The following ZNF232 variants were observed in gnomAD, a reference collection of about 807,000 sequenced individuals.
The protein encoded by ZNF232 is zinc finger and SCAN domain-containing protein 11.
A neutral mutation model predicts 25.2 loss-of-function variants in ZNF232; 25 were observed. The ratio of observed to expected loss-of-function variants is 0.99; its 90% CI spans 0.72 to 1.39. ZNF232 has a LOEUF of 1.39. Among genes scored for constraint, ZNF232 ranks in the 40% most tolerant of loss-of-function variants. The probability of loss-of-function intolerance (pLI) is 0.00; values close to 1 mark genes in which losing one functional copy is unlikely to be tolerated. For missense variants in ZNF232, 519 were observed against 520.9 expected (o/e 1.00, Z 0.04); for synonymous variants, 193 against 182.9 (o/e 1.06, Z -0.45).
rs749338515 is a variant in ZNF232, at chr17:5,107,394, G to GAAA, written c.626-891_626-889dup. On this transcript the variant is annotated intron_variant, in intron 3 of 3. Transcript: ENST00000575898. ...CAGAGCGAGACTCCATCTCAAAAAG[G>GAAA]AAAAAAAAAAAAAAAAAAAAAAAAA... Among the ~76,000 whole-genome samples the GAAA allele has an allele frequency of 5.8e-3, 349 of 60,592 alleles. 2 individuals are homozygous for GAAA. The highest frequency in any genetic ancestry group is 7.2e-3 in the African/African-American group (116 of 16,054). 39.8% of individuals were successfully genotyped at this position (60,592 alleles called of 152,430 possible). A position where few individuals can be genotyped will look rare whatever the true frequency, so the allele number is the denominator to read the frequency against.
chr17:5,109,444 C>T (rs1165996779), exon 2 of ZNF232: 1 of 1,613,846 alleles, frequency 6.2e-7, no homozygotes, highest in African/African-American at 1.3e-5. Flanking sequence ...ACAGTCACAG[C>T]CTCCTCTCCA....
chr17:5,108,862 T>G, intron 3 of ZNF232, 64 bp downstream of exon 3: 1 of 1,610,670 alleles, frequency 6.2e-7, no homozygotes, highest in Non-Finnish European at 8.5e-7. Context: ...TTACAGGTAC[T>G]AGGTACTGTG....
chr17:5,112,443 G>A (rs2072439552), upstream of ZNF232: 2 of 151,992 alleles, frequency 1.3e-5, no homozygotes, highest in Non-Finnish European at 2.9e-5. Context: ...TTTTGTTGTT[G>A]TTATTTTTTA....
chr17:5,117,554 C>T (rs548311047), intron 1 of ZNF232, among the ~76,000 whole-genome samples: 1 of 150,776 alleles, frequency 6.6e-6, no homozygotes. Flanking sequence ...ATTTACAGCA[C>T]AAGTGAATAA....
exon 1 of ZNF232, chr17:5,111,827 GCGCTGC>G: frequency 6.2e-7 from 1 of 1,613,840 alleles, no homozygotes; most frequent in Non-Finnish European, 8.5e-7. Context: ...TTCCATCGGG[GCGCTGC>G]CGCGAATCGC....
rs1323657940 is a variant in ZNF232 at position 5,111,695 on chromosome 17, G to T, written c.23+105C>A. Reference sequence around the variant, plus strand: ...CAAACCCCTCTCCACACACAACCGCGGAGCTGCCTGCCAGGCCTGCTCACT... The same window carrying T: ...CAAACCCCTCTCCACACACAACCGCTGAGCTGCCTGCCAGGCCTGCTCACT... On this transcript the variant is annotated intron_variant, in intron 1 of 3. Transcript: ENST00000575898. The T allele has an allele frequency of 3.8e-6, 6 of 1,580,114 alleles. No individual in the cohort carries two copies. In the East Asian group the frequency reaches 1.1e-4, roughly 30 times the overall value.
At chr17:5,117,239 T>C (rs1224263533) in intron 1 of ZNF232, among the ~76,000 whole-genome samples, 1 of 152,164 alleles carries the variant, frequency 6.6e-6, no homozygotes, top group Non-Finnish European at 1.5e-5. Flanking sequence ...TCGATAAGCC[T>C]GGGCGAGGGG....
At chr17:5,120,359 C>T (rs1000542831) in intron 1 of ZNF232, among the ~76,000 whole-genome samples, 4 of 152,154 alleles carry the variant, frequency 2.6e-5, no homozygotes, top group African/African-American at 9.7e-5. Context: ...GTTGTTATCT[C>T]TCAGGGCTTA....
chr17:5,106,627 G>A (rs1419367943), intron 3 of ZNF232, 94 bp from the exon 4 acceptor site: 13 of 1,073,682 alleles, frequency 1.2e-5, no homozygotes, highest in Middle Eastern at 2.6e-4. Flanking sequence ...ACAAACATTC[G>A]AAGAATATTT....
intron 3 of ZNF232, among the ~76,000 whole-genome samples, chr17:5,108,125 A>T (rs2072306212): frequency 6.6e-6 from 1 of 152,148 alleles, no homozygotes; most frequent in South Asian, 2.1e-4. Context: ...TTTGTAACTA[A>T]GAAGAATTTG....
chr17:5,116,900 G>A (rs2072550512), intron 1 of ZNF232, among the ~76,000 whole-genome samples: 1 of 152,216 alleles, frequency 6.6e-6, no homozygotes, highest in East Asian at 1.9e-4. Context: ...ATGGAGCTAG[G>A]TACGGAGGGA....
intron 1 of ZNF232, among the ~76,000 whole-genome samples, chr17:5,110,181 C>T (rs2072367107): frequency 7.1e-6 from 1 of 140,584 alleles, no homozygotes; most frequent in Non-Finnish European, 1.6e-5. Flanking sequence ...CATGAGCCAC[C>T]GCGCCCGTCC....
At chr17:5,115,674 A>AC (rs1211975194), upstream of ZNF232, among the ~76,000 whole-genome samples, 42 of 152,052 alleles carry the variant, frequency 2.8e-4, no homozygotes, top group Admixed American at 2.8e-3. Context: ...TACTCATCAA[A>AC]CCCCGGAGAA....
rs1339691032 is a variant in ZNF232, at chr17:5,109,864, GC to G, written c.27del (p.Leu11CysfsTer13). 1 of 1,598,186 alleles carries G rather than the reference GC, an allele frequency of 6.3e-7. No homozygotes were observed. Among genetic ancestry groups the G allele is most frequent in the African/African-American group, 1.4e-5 (1 of 73,816 alleles). ...TCATACCAGCTGGAATCTTGCAAGG[GC>G]CCCCTGTAACATAAGAAGAAATCAT... On this transcript the variant is annotated frameshift_variant, in exon 2 of 4. Coordinates refer to ENST00000575898, the Ensembl canonical transcript of ZNF232. LOFTEE classifies it high-confidence loss of function.
exon 3 of ZNF232, chr17:5,108,975 T>G: frequency 6.2e-7 from 1 of 1,614,162 alleles, no homozygotes; most frequent in Non-Finnish European, 8.5e-7. Context: ...GGATGCTCAG[T>G]GCTTCCTGGG....
exon 2 of ZNF232, chr17:5,109,789 C>A (rs768360707): frequency 6.2e-7 from 1 of 1,614,194 alleles, no homozygotes; most frequent in South Asian, 1.1e-5. Flanking sequence ...AGAGTTTCAG[C>A]TGCTGTTAGT....
intron 1 of ZNF232, among the ~76,000 whole-genome samples, chr17:5,110,154 A>T (rs2072366518): frequency 1.3e-5 from 2 of 152,082 alleles, no homozygotes; most frequent in Admixed American, 1.3e-4. Context: ...GGCCTCCCAA[A>T]GTGGTAGGAT....
At chr17:5,116,116 C>T (rs1012423636), upstream of ZNF232, among the ~76,000 whole-genome samples, 6 of 152,200 alleles carry the variant, frequency 3.9e-5, no homozygotes, top group African/African-American at 1.4e-4. Context: ...TCTCCAGGCG[C>T]CCATCAGTCT....
chr17:5,106,015 A>C, exon 4 of ZNF232: 1 of 1,614,104 alleles, frequency 6.2e-7, no homozygotes, highest in South Asian at 1.1e-5. Context: ...TTCTCTCCTG[A>C]GTGAATCCTC....
Sources: allele counts gnomAD v4.1 joint callset (sites outside exome capture counted in the v4.1 genomes callset), GRCh38; gene constraint gnomAD v4.1.1; transcripts MANE v1.5; gene names NCBI Gene and HGNC (gene_info 2026-07-23, HGNC 2026-07-21).